SOX6: variants seen among roughly 807,000 people sequenced by gnomAD.
The protein encoded by SOX6 is transcription factor SOX-6.
Under a neutral mutation model 97.8 loss-of-function variants are expected in SOX6, and 11 were observed. The observed-to-expected ratio is 0.11, with a 90% confidence interval of 0.07 to 0.19. The LOEUF is 0.19. SOX6 is among the 10% of genes least tolerant of loss of function. The pLI is 1.00. For missense variants in SOX6, 810 were observed against 1,039.5 expected (o/e 0.78, Z 3.04); for synonymous variants, 360 against 371.4 (o/e 0.97, Z 0.35).
At chr11:16,005,313 G>T (rs1854516292) in intron 13 of SOX6, among the ~76,000 whole-genome samples, 1 of 151,598 alleles carries the variant, frequency 6.6e-6, no homozygotes, top group South Asian at 2.1e-4. Context: ...TAGGCATAAG[G>T]CTCAACCGAG....
chr11:16,603,410 A>G (rs1406607376), intron 4 of SOX6, among the ~76,000 whole-genome samples: 1 of 152,188 alleles, frequency 6.6e-6, no homozygotes, highest in Admixed American at 6.5e-5. Flanking sequence ...GAAAGACAGT[A>G]GATCTGCCCA....
chr11:16,291,229 T>TTATATATATA (rs10529279), intron 3 of SOX6, among the ~76,000 whole-genome samples: 4 of 143,590 alleles, frequency 2.8e-5, no homozygotes, highest in African/African-American at 1.1e-4. Context: ...TTCTATAAAT[T>TTATATATATA]TATATATATA....
chr11:16,568,683 T>A (rs1462344679), intron 4 of SOX6, among the ~76,000 whole-genome samples: 1 of 152,230 alleles, frequency 6.6e-6, no homozygotes, highest in African/African-American at 2.4e-5. Context: ...TCACATTATA[T>A]GCATTTAAAA....
chr11:16,530,336 T>A (rs1173513253), intron 4 of SOX6, among the ~76,000 whole-genome samples: 2 of 152,056 alleles, frequency 1.3e-5, no homozygotes, highest in Non-Finnish European at 2.9e-5. Context: ...AACATTTTTT[T>A]AAAGTGCAAT....
intron 4 of SOX6, among the ~76,000 whole-genome samples, chr11:16,600,647 C>T (rs1848257496): frequency 6.6e-6 from 1 of 152,112 alleles, no homozygotes; most frequent in Non-Finnish European, 1.5e-5. Flanking sequence ...AATTGAAAAG[C>T]TCTATCAAAA....
intron 9 of SOX6, among the ~76,000 whole-genome samples, chr11:16,085,463 C>A (rs935186563): frequency 6.6e-6 from 1 of 152,086 alleles, no homozygotes; most frequent in South Asian, 2.1e-4. Flanking sequence ...TCCATTTGAG[C>A]ATTAAATGGC....
At chr11:16,413,602 C>T (rs1052846649) in intron 1 of SOX6, among the ~76,000 whole-genome samples, 1 of 145,060 alleles carries the variant, frequency 6.9e-6, no homozygotes, top group African/African-American at 2.6e-5. Flanking sequence ...CTCACTGCAA[C>T]CTCTGCATCC....
Position 16,300,984 on chromosome 11 carries a change from C to A in SOX6, c.445+17462G>T, listed in dbSNP as rs1377316161. ...ATCCAGATTATTACATCTGAAACCACACAATACCTTTTCTTTTTTCCCTCA... is the reference window on the plus strand; with the variant it reads ...ATCCAGATTATTACATCTGAAACCAAACAATACCTTTTCTTTTTTCCCTCA... On this transcript the variant is annotated intron_variant, in intron 3 of 15. Transcript: ENST00000683767. This position sits in a 1 kb window ranked among gnomAD's most constrained non-coding sequence, Gnocchi z 4.1. Among the ~76,000 whole-genome samples the A allele has an allele frequency of 6.6e-6, 1 of 152,146 alleles. No homozygotes were observed. Among genetic ancestry groups the A allele is most frequent in the East Asian group, 1.9e-4 (1 of 5,204 alleles).
At chr11:15,995,602 T>C (rs762318692) in intron 13 of SOX6, among the ~76,000 whole-genome samples, 1 of 152,180 alleles carries the variant, frequency 6.6e-6, no homozygotes, top group Non-Finnish European at 1.5e-5. Flanking sequence ...GAAAATTACC[T>C]GAATTTGGTG....
chr11:16,653,534 C>T lies in SOX6; in HGVS notation n.430-41274G>A, dbSNP rs148367126. ...AGTAACTCAGGAATGGAAAACCAAA[C>T]ATCGTATGTTTTCACTCATAAGTGG... is the stretch of plus-strand genomic sequence containing the variant. On this transcript the variant is annotated intron_variant and non_coding_transcript_variant, in intron 3 of 5. Coordinates refer to the SOX6 transcript ENST00000524520. Among the ~76,000 whole-genome samples, 454 of 152,262 alleles carry T rather than the reference C, an allele frequency of 3.0e-3. 1 individual carries two copies. Among genetic ancestry groups the T allele is most frequent in the Non-Finnish European group, 5.4e-3 (365 of 68,016 alleles).
intron 4 of SOX6, among the ~76,000 whole-genome samples, chr11:16,589,787 T>C (rs1174112695): frequency 6.6e-6 from 1 of 152,168 alleles, no homozygotes; most frequent in Non-Finnish European, 1.5e-5. Context: ...GCAAGATATT[T>C]AAATACTAAG....
chr11:16,679,258 C>A (rs891747582), intron 3 of SOX6, among the ~76,000 whole-genome samples: 1 of 152,154 alleles, frequency 6.6e-6, no homozygotes, highest in Admixed American at 6.5e-5. Context: ...GATGAAGCTT[C>A]CAGAGGAAGG....
intron 6 of SOX6, among the ~76,000 whole-genome samples, chr11:16,177,244 T>A (rs941442785): frequency 6.6e-6 from 1 of 151,902 alleles, no homozygotes; most frequent in Non-Finnish European, 1.5e-5. Flanking sequence ...TCTCCCTCTA[T>A]CCAGTGAATG....
intron 4 of SOX6, among the ~76,000 whole-genome samples, chr11:16,545,515 G>A (rs753826254): frequency 4.1e-4 from 62 of 152,150 alleles, no homozygotes; most frequent in Admixed American, 9.2e-4. Flanking sequence ...TCTGAATGGG[G>A]GAAAGCTGAA....
intron 7 of SOX6, among the ~76,000 whole-genome samples, chr11:16,107,378 T>C (rs1849113483): frequency 6.8e-6 from 1 of 147,850 alleles, no homozygotes; most frequent in Non-Finnish European, 1.5e-5. Context: ...CAAAATGTGA[T>C]CTGTATACAT....
intron 15 of SOX6, among the ~76,000 whole-genome samples, chr11:15,982,164 C>T (rs1181219379): frequency 6.6e-6 from 1 of 151,994 alleles, no homozygotes; most frequent in Non-Finnish European, 1.5e-5. Context: ...ATGTCGTGTC[C>T]TTACCAATGT....
intron 3 of SOX6, among the ~76,000 whole-genome samples, chr11:16,657,749 C>G (rs2134017392): frequency 6.6e-6 from 1 of 152,282 alleles, no homozygotes; most frequent in Admixed American, 6.5e-5. Context: ...TGTTGAGCAT[C>G]TATTCATGTT....
intron 4 of SOX6, among the ~76,000 whole-genome samples, chr11:16,606,185 C>A (rs1848331709): frequency 1.3e-5 from 2 of 151,736 alleles, no homozygotes; most frequent in African/African-American, 4.8e-5. Flanking sequence ...AGGCTAGCTG[C>A]CTGCCTTTCT....
At chr11:16,612,226 T>A (rs1304098489) in exon 4 of SOX6, 2 of 146,434 alleles carry the variant, frequency 1.4e-5, no homozygotes, top group Non-Finnish European at 3.0e-5. Flanking sequence ...AGCCTCTCTC[T>A]CCCTCTCTCT....
Sources: gnomAD v4.1 joint callset for allele counts (sites outside exome capture counted in the v4.1 genomes callset) on GRCh38, gnomAD v4.1.1 for gene constraint, Gnocchi (gnomAD v3.1) non-coding constraint, MANE v1.5 for transcripts, NCBI Gene and HGNC (gene_info 2026-07-23, HGNC 2026-07-21) for gene names.